Variants in RBFOX1 observed in about 807,000 individuals in gnomAD.
RBFOX1 encodes the protein RNA binding fox-1 homolog 1.
Under a neutral mutation model 57.7 loss-of-function variants are expected in RBFOX1, and 8 were observed. The observed-to-expected ratio is 0.14, with a 90% CI of 0.08 to 0.25. The LOEUF is 0.25. Ranked by LOEUF, RBFOX1 falls within the 10% of genes least tolerant of loss-of-function variation. RBFOX1 has a pLI of 1.00. For missense variants in RBFOX1, 611 were observed against 548.5 expected (o/e 1.11, Z -1.14); for synonymous variants, 326 against 222.4 (o/e 1.47, Z -4.15).
chr16:6,607,139 A>G (rs1347414374), intron 2 of RBFOX1, among the ~76,000 whole-genome samples: 2 of 152,152 alleles, frequency 1.3e-5, no homozygotes, highest in African/African-American at 2.4e-5. Flanking sequence ...AGCACTCTGC[A>G]TTTTAGCAAG....
intron 1 of RBFOX1, among the ~76,000 whole-genome samples, chr16:5,426,053 CAG>C (rs1436273680): frequency 6.6e-6 from 1 of 152,168 alleles, no homozygotes; most frequent in Non-Finnish European, 1.5e-5. Flanking sequence ...AAACACAAAA[CAG>C]AAACAAATGA....
Position 7,529,085 on chromosome 16 carries a change from C to T in RBFOX1, c.270+10696C>T, listed in dbSNP as rs538260796. Among the ~76,000 whole-genome samples the T allele has an allele frequency of 6.7e-4, 102 of 152,208 alleles. No individual in the cohort carries two copies. The South Asian group carries it at 0.021, about 31-fold the overall frequency. ...ACCAGCCTGGTCAACATGGTGAAAC[C>T]CTGTCTCGACACAAAAAGTACAAAA... On this transcript the variant is annotated intron_variant, in intron 5 of 15. Coordinates refer to ENST00000550418, the MANE Select transcript of RBFOX1 (RefSeq NM_018723.4).
At chr16:5,350,056 T>G (rs534192476) in intron 1 of RBFOX1, among the ~76,000 whole-genome samples, 1 of 152,354 alleles carries the variant, frequency 6.6e-6, no homozygotes, top group Non-Finnish European at 1.5e-5. Context: ...GGCGCTTGCG[T>G]GAGAGGAAAT....
At chr16:7,520,620 G>A (rs1376727603) in intron 5 of RBFOX1, among the ~76,000 whole-genome samples, 1 of 152,168 alleles carries the variant, frequency 6.6e-6, no homozygotes, top group African/African-American at 2.4e-5. Flanking sequence ...TGGTTCTTCT[G>A]AACACTCCTG....
rs2093385192 is a variant in RBFOX1, at chr16:6,409,376, T to C, written c.-64+92319T>C. 2.6e-5 allele frequency among the ~76,000 whole-genome samples: 4 copies of C among 152,196 alleles called. No homozygotes were observed. The South Asian group carries it at 8.3e-4, about 32-fold the overall frequency. Reference sequence around the variant, plus strand: ...TTGCAGTGAGCCGAGATCATGCCATTGCCCTCCAGCCAGGGCAACGGGAGC... The same window carrying C: ...TTGCAGTGAGCCGAGATCATGCCATCGCCCTCCAGCCAGGGCAACGGGAGC... On this transcript the variant is annotated intron_variant, in intron 2 of 15. Coordinates refer to ENST00000550418, the MANE Select transcript of RBFOX1 (RefSeq NM_018723.4).
chr16:6,169,423 T>C (rs926888588), intron 1 of RBFOX1, among the ~76,000 whole-genome samples: 7 of 151,868 alleles, frequency 4.6e-5, no homozygotes, highest in Non-Finnish European at 8.8e-5. Flanking sequence ...AAGGCTGAGA[T>C]AGAGAAGGAG....
chr16:6,020,635 A>G (rs1315913280), intron 1 of RBFOX1, among the ~76,000 whole-genome samples: 3 of 152,036 alleles, frequency 2.0e-5, no homozygotes, highest in African/African-American at 4.8e-5. Context: ...GCCTTAGAGA[A>G]CCTTCACCCC....
At chr16:7,468,786 A>G (rs1250951530) in intron 4 of RBFOX1, among the ~76,000 whole-genome samples, 1 of 152,122 alleles carries the variant, frequency 6.6e-6, no homozygotes, top group Non-Finnish European at 1.5e-5. Context: ...TGTTTCTCCA[A>G]GCATCAAGAG....
At chr16:7,452,615 C>T (rs1429014179) in intron 4 of RBFOX1, among the ~76,000 whole-genome samples, 1 of 152,110 alleles carries the variant, frequency 6.6e-6, no homozygotes, top group African/African-American at 2.4e-5. Context: ...ATGTATCAGG[C>T]ACTTGCTGTG....
rs1248721039 is a variant in RBFOX1, at chr16:7,292,291, A to G, written c.28-225856A>G. On this transcript the variant is annotated intron_variant, in intron 4 of 15. Transcript: ENST00000550418. ...GAACGTATTATATATCATATATCAT[A>G]TATGATATATGATATATGACGTATT... 1.6e-4 allele frequency among the ~76,000 whole-genome samples: 21 copies of G among 129,748 alleles called. 1 individual carries two copies. The highest frequency in any genetic ancestry group is 5.9e-4 in the African/African-American group (20 of 33,960). 85.1% of individuals were successfully genotyped at this position (129,748 alleles called of 152,430 possible). A position where few individuals can be genotyped will look rare whatever the true frequency, so the allele number is the denominator to read the frequency against.
At chr16:6,147,681 C>G (rs79458523) in intron 1 of RBFOX1, among the ~76,000 whole-genome samples, 1,691 of 152,298 alleles carry the variant, frequency 0.011, 24 homozygotes, top group African/African-American at 0.034. Context: ...GGACATCAGA[C>G]TTAATGCCTC....
intron 1 of RBFOX1, among the ~76,000 whole-genome samples, chr16:6,024,044 A>C (rs1248769353): frequency 1.3e-5 from 2 of 152,186 alleles, no homozygotes; most frequent in African/African-American, 4.8e-5. Context: ...AGTTATATAC[A>C]CAGGCAACTG....
chr16:6,799,668 G>A (rs985005005), intron 3 of RBFOX1, among the ~76,000 whole-genome samples: 33 of 152,160 alleles, frequency 2.2e-4, no homozygotes, highest in African/African-American at 8.0e-4. Context: ...GCAGGTGGAA[G>A]AAGGTGGGAT....
At chr16:6,821,614 A>G (rs1427138078) in intron 3 of RBFOX1, among the ~76,000 whole-genome samples, 2 of 152,178 alleles carry the variant, frequency 1.3e-5, no homozygotes. Context: ...GTGTCCGTTT[A>G]TGATATCTTA....
intron 2 of RBFOX1, among the ~76,000 whole-genome samples, chr16:6,561,378 C>A (rs1003912872): frequency 3.3e-5 from 5 of 152,202 alleles, no homozygotes; most frequent in Non-Finnish European, 7.3e-5. Context: ...AGAACTGTTA[C>A]AGTCTAGTAA....
chr16:7,208,435 C>G (rs1244844154), intron 4 of RBFOX1, among the ~76,000 whole-genome samples: 1 of 152,130 alleles, frequency 6.6e-6, no homozygotes, highest in Non-Finnish European at 1.5e-5. Flanking sequence ...GTGAGGACTT[C>G]ATGCTGCTTC....
At chr16:6,369,994 C>G (rs1469664633) in intron 2 of RBFOX1, among the ~76,000 whole-genome samples, 1 of 152,142 alleles carries the variant, frequency 6.6e-6, no homozygotes, top group Admixed American at 6.5e-5. Flanking sequence ...TGTCAAGTCT[C>G]TTTAGTGTCT....
At chr16:6,234,834 C>A (rs2097492988) in intron 1 of RBFOX1, among the ~76,000 whole-genome samples, 1 of 152,046 alleles carries the variant, frequency 6.6e-6, no homozygotes, top group Non-Finnish European at 1.5e-5. Flanking sequence ...CACACACACA[C>A]AGGCACACAT....
intron 4 of RBFOX1, among the ~76,000 whole-genome samples, chr16:7,429,233 G>A (rs1480111369): frequency 3.9e-5 from 6 of 152,150 alleles, no homozygotes; most frequent in Non-Finnish European, 8.8e-5. Context: ...CCTCTCTCTG[G>A]TCACCCCTTC....
Sources: gnomAD v4.1 joint callset for allele counts (sites outside exome capture counted in the v4.1 genomes callset) on GRCh38, gnomAD v4.1.1 for gene constraint, MANE v1.5 for transcripts, NCBI Gene and HGNC (gene_info 2026-07-23, HGNC 2026-07-21) for gene names.